UMAD1: variants seen among roughly 807,000 people sequenced by gnomAD.
UMAD1 encodes the protein UBAP1-MVB12-associated (UMA)-domain containing protein 1.
UMAD1 carries 8 observed loss-of-function variants against 6.1 expected under a neutral mutation model. That is an observed-to-expected ratio of 1.30 (90% CI 0.76 to 2.35). The LOEUF (loss-of-function observed/expected upper bound fraction) is 2.35. UMAD1 is among the 30% of genes most tolerant of loss of function. UMAD1 has a pLI of 0.00. For missense variants in UMAD1, 130 were observed against 78.4 expected (o/e 1.66, Z -2.49); for synonymous variants, 56 against 31.4 (o/e 1.78, Z -2.61).
intron 3 of UMAD1, among the ~76,000 whole-genome samples, chr7:7,814,647 G>A (rs1783090081): frequency 7.3e-6 from 1 of 137,660 alleles, no homozygotes; most frequent in Non-Finnish European, 1.6e-5. Flanking sequence ...TATTTAGAGT[G>A]TACTTTTTAT....
At chr7:7,677,697 G>A (rs1291818062) in intron 2 of UMAD1, among the ~76,000 whole-genome samples, 5 of 119,478 alleles carry the variant, frequency 4.2e-5, no homozygotes, top group Admixed American at 9.7e-5. Context: ...TTTTTGAGAC[G>A]GAGTCTCGCT....
intron 3 of UMAD1, among the ~76,000 whole-genome samples, chr7:7,823,506 C>T (rs968147142): frequency 1.3e-5 from 2 of 152,088 alleles, no homozygotes; most frequent in African/African-American, 2.4e-5. Flanking sequence ...GGCCCTCCTG[C>T]ACTCCGTTTG....
chr7:7,834,419 C>T (rs1451410968), intron 3 of UMAD1, among the ~76,000 whole-genome samples: 1 of 152,138 alleles, frequency 6.6e-6, no homozygotes, highest in African/African-American at 2.4e-5. Context: ...TGCACTCCAC[C>T]ATGTCATTGG....
At chr7:7,660,386 C>T (rs951120754) in intron 1 of UMAD1, among the ~76,000 whole-genome samples, 3 of 152,174 alleles carry the variant, frequency 2.0e-5, no homozygotes, top group South Asian at 2.1e-4. Flanking sequence ...GATGCAGTTT[C>T]TTCATAGTGT....
chr7:7,715,012 G>C (rs1434903144), intron 2 of UMAD1, among the ~76,000 whole-genome samples: 3 of 151,942 alleles, frequency 2.0e-5, no homozygotes, highest in Admixed American at 1.3e-4. Context: ...AATGAAACTA[G>C]AACTAACCAA....
intron 1 of UMAD1, among the ~76,000 whole-genome samples, chr7:7,662,207 A>G (rs1785492140): frequency 6.6e-6 from 1 of 152,176 alleles, no homozygotes; most frequent in African/African-American, 2.4e-5. Flanking sequence ...CTGTGCTGGC[A>G]GCGATAATTT....
At chr7:7,676,119 T>C in intron 2 of UMAD1, 1 of 398,618 alleles carries the variant, frequency 2.5e-6, no homozygotes. Context: ...TCAGAGGCTC[T>C]CCAGTGACGT....
intron 3 of UMAD1, among the ~76,000 whole-genome samples, chr7:7,834,198 T>G (rs1171044123): frequency 6.6e-6 from 1 of 151,784 alleles, no homozygotes; most frequent in Non-Finnish European, 1.5e-5. Context: ...AATTTTGTAT[T>G]TTTTATTAGA....
At chr7:7,829,524 G>C (rs1162386960) in intron 3 of UMAD1, among the ~76,000 whole-genome samples, 1 of 136,420 alleles carries the variant, frequency 7.3e-6, no homozygotes, top group Non-Finnish European at 1.6e-5. Flanking sequence ...AATATAAATG[G>C]ACAAAAAAAG....
chr7:7,693,145 A>T (rs1780215645), intron 2 of UMAD1, among the ~76,000 whole-genome samples: 1 of 152,202 alleles, frequency 6.6e-6, no homozygotes, highest in Non-Finnish European at 1.5e-5. Flanking sequence ...ATGTCCCTGA[A>T]TTCTTGAATC....
chr7:7,842,979 C>T, intron 3 of UMAD1, among the ~76,000 whole-genome samples: 1 of 152,090 alleles, frequency 6.6e-6, no homozygotes, highest in East Asian at 1.9e-4. Context: ...ACGCTGTGGG[C>T]CAAGTGGATA....
rs71014716 is a variant in UMAD1, at chr7:7,784,756, C to CTTT, written c.83-16893_83-16891dup. On this transcript the variant is annotated intron_variant, in intron 2 of 3. Coordinates refer to ENST00000682710, the MANE Select transcript of UMAD1 (RefSeq NM_001302348.2). ...TTTACATTAGCTTCTGCCCTTCCTT[C>CTTT]TTTTTTTTTTTTTTTTTTTTTTTGA... Among the ~76,000 whole-genome samples, 495 of 78,482 alleles carry CTTT rather than the reference C, an allele frequency of 6.3e-3. 1 individual carries two copies. Among genetic ancestry groups the CTTT allele is most frequent in the Non-Finnish European group, 7.5e-3 (327 of 43,772 alleles). The allele number at this position is 78,482 out of a possible 152,430, so 51.5% of individuals were successfully genotyped here. A position where few individuals can be genotyped will look rare whatever the true frequency, so the allele number is the denominator to read the frequency against.
At chr7:7,810,312 C>A (rs1782997645) in intron 3 of UMAD1, among the ~76,000 whole-genome samples, 1 of 151,900 alleles carries the variant, frequency 6.6e-6, no homozygotes, top group Non-Finnish European at 1.5e-5. Context: ...GTATTAAGAG[C>A]CATAAAGATG....
At chr7:7,875,625 C>T (rs1397863312) in intron 3 of UMAD1, among the ~76,000 whole-genome samples, 1 of 152,198 alleles carries the variant, frequency 6.6e-6, no homozygotes, top group Admixed American at 6.5e-5. Context: ...ATACACCCTT[C>T]CAACACTAAA....
chr7:7,748,103 A>ATTTTTTTTTTTTTTTTTTT (rs35368211), intron 2 of UMAD1, among the ~76,000 whole-genome samples: 15 of 140,158 alleles, frequency 1.1e-4, no homozygotes, highest in African/African-American at 4.2e-4. Flanking sequence ...CGCCCAGCTA[A>ATTTTTTTTTTTTTTTTTTT]TTTTTTTTTT....
chr7:7,787,631 T>C (rs1225933076), intron 2 of UMAD1, among the ~76,000 whole-genome samples: 1 of 152,194 alleles, frequency 6.6e-6, no homozygotes, highest in Admixed American at 6.6e-5. Context: ...TTCTTTCTCC[T>C]TTCTCCCATA....
At chr7:7,760,412 A>AAAT (rs71014709) in intron 2 of UMAD1, among the ~76,000 whole-genome samples, 23,149 of 142,528 alleles carry the variant, frequency 0.16, 1,887 homozygotes, top group East Asian at 0.25. Flanking sequence ...AAAAAATACA[A>AAAT]AATAATAATA....
chr7:7,835,799 A>T (rs970812226), intron 3 of UMAD1, among the ~76,000 whole-genome samples: 1 of 151,894 alleles, frequency 6.6e-6, no homozygotes, highest in Non-Finnish European at 1.5e-5. Flanking sequence ...TTTTGTTTCC[A>T]TTTAGTTTGT....
chr7:7,718,608 C>T (rs1780979157), intron 2 of UMAD1: 1 of 152,216 alleles, frequency 6.6e-6, no homozygotes, highest in Non-Finnish European at 1.5e-5. Context: ...TGAGTAGCTT[C>T]TGTGGATCTG....
Sources: allele counts gnomAD v4.1 joint callset (sites outside exome capture counted in the v4.1 genomes callset), GRCh38; gene constraint gnomAD v4.1.1; transcripts MANE v1.5; gene names NCBI Gene and HGNC (gene_info 2026-07-23, HGNC 2026-07-21).